The following TMX2 variants were observed in gnomAD, a reference collection of about 807,000 sequenced individuals.
TMX2 encodes the protein thioredoxin related transmembrane protein 2, also known as thioredoxin-related transmembrane protein 2.
Under a neutral mutation model 33.4 loss-of-function variants are expected in TMX2, and 20 were observed. That is an observed-to-expected ratio of 0.60 (90% confidence interval 0.42 to 0.87). The LOEUF (loss-of-function observed/expected upper bound fraction) is 0.87. Ranked by LOEUF, TMX2 falls within the 40% of genes least tolerant of loss-of-function variation. The pLI, the probability that TMX2 is intolerant of heterozygous loss-of-function variation, is 0.00. For missense variants in TMX2, 340 were observed against 370.7 expected, an observed-to-expected ratio of 0.92 and a Z score of 0.68; for synonymous variants, 166 against 140.7, an observed-to-expected ratio of 1.18 and a Z score of -1.27.
rs779824803 is a variant in TMX2 at position 57,723,528 on chromosome 11, C to CT, written c.189+10722dup. ...AAAAAAAAAAAAAGAAAGAAAGAAA[C>CT]TAAGTGGCTCACGCCTGTAATCCCA... On this transcript the variant is annotated intron_variant, in intron 1 of 7. Transcript: ENST00000278422. Among the ~76,000 whole-genome samples the CT allele has an allele frequency of 1.4e-3, 205 of 141,580 alleles. No individual in the cohort carries two copies. The Middle Eastern group carries it at 0.033, about 23-fold the overall frequency. 92.9% of individuals were successfully genotyped at this position (141,580 alleles called of 152,430 possible).
chr11:57,740,274 C>T lies in TMX2; in HGVS notation c.*29C>T. On this transcript the variant is annotated 3_prime_UTR_variant, in exon 8 of 8. Coordinates refer to ENST00000278422, the MANE Select transcript of TMX2 (RefSeq NM_015959.4). ...CCTCACTTTGGCAGTGCTTCCTCTC[C>T]TGTCAATTCCAGGCTCTTTCCATAA... 1 of 1,550,618 alleles carries T rather than the reference C, an allele frequency of 6.4e-7. No homozygotes were observed. Among genetic ancestry groups the T allele is most frequent in the Non-Finnish European group, 8.7e-7 (1 of 1,152,510 alleles).
chr11:57,716,051 A>C (rs1946979102), intron 1 of TMX2, among the ~76,000 whole-genome samples: 1 of 151,866 alleles, frequency 6.6e-6, no homozygotes, highest in African/African-American at 2.4e-5. Flanking sequence ...TTTCTATTCC[A>C]CAAAACCGCC....
At chr11:57,717,755 G>GAGAGGGAGAGGC (rs1947272915) in intron 1 of TMX2, among the ~76,000 whole-genome samples, 2 of 145,580 alleles carry the variant, frequency 1.4e-5, no homozygotes, top group East Asian at 4.2e-4. Flanking sequence ...AGGGGAGAGG[G>GAGAGGGAGAGGC]AGAGGCAGAG....
Position 57,740,355 on chromosome 11 carries a change from G to C in TMX2, c.*110G>C. On this transcript the variant is annotated 3_prime_UTR_variant, in exon 8 of 8. Transcript: ENST00000278422. ...ATGTTTTCCCTTTGGCTGTGACTGG[G>C]TGGGGCAGCATGCAGCTTCTGATTT... 7.6e-7 allele frequency: 1 copy of C among 1,307,940 alleles called. No homozygotes were observed. Among genetic ancestry groups the C allele is most frequent in the Non-Finnish European group, 1.0e-6 (1 of 985,700 alleles). The allele number at this position is 1,307,940 out of a possible 1,614,324, so 81.0% of individuals were successfully genotyped here.
chr11:57,739,005 G>A lies in TMX2; in HGVS notation c.580G>A (p.Val194Met). 1 of 1,614,058 alleles carries A rather than the reference G, an allele frequency of 6.2e-7. No individual in the cohort carries two copies. Among genetic ancestry groups the A allele is most frequent in the Non-Finnish European group, 8.5e-7 (1 of 1,180,030 alleles). ...YNCTGLNFGK[V>M]DVGRYTDVST... The stretch of plus-strand genomic sequence containing the variant: ...CTGTACAGGGCTAAATTTTGGGAAG[G>A]TGGATGTTGGACGCTATACTGATGT... Residue 194 changes from valine to methionine, a missense_variant, in exon 6 of 8, where the codon GTG becomes ATG. By Grantham distance (21) the Val-to-Met change is conservative. Transcript: ENST00000278422.
At chr11:57,739,922 G>A (rs960848014) in intron 7 of TMX2, among the ~76,000 whole-genome samples, 177 bp from the exon 8 acceptor site, 3 of 152,066 alleles carry the variant, frequency 2.0e-5, no homozygotes, top group African/African-American at 4.8e-5. Flanking sequence ...GCACATAATG[G>A]GTATTTAACT....
At chr11:57,718,149 A>G (rs1947304458) in intron 1 of TMX2, 3 of 1,217,948 alleles carry the variant, frequency 2.5e-6, no homozygotes, top group Non-Finnish European at 3.6e-6. Flanking sequence ...CACCTTGCCA[A>G]AGACCACATG....
rs190079483 is a variant in TMX2, at chr11:57,740,477, C to T, written c.*232C>T. On this transcript the variant is annotated 3_prime_UTR_variant, in exon 8 of 8. Transcript: ENST00000278422. ...GGAGCAAGAAAGAGATCTCATAGGA[C>T]GGAGGGGGAAATGGTTTCCCTCCAA... 2.4e-4 allele frequency: 113 copies of T among 464,610 alleles called. No homozygotes were observed. The highest frequency in any genetic ancestry group is 8.7e-4 in the Admixed American group (22 of 25,202). The allele number at this position is 464,610 out of a possible 1,614,324, so 28.8% of individuals were successfully genotyped here. A position where few individuals can be genotyped will look rare whatever the true frequency, so the allele number is the denominator to read the frequency against.
chr11:57,715,166 G>A (rs1156624396), intron 1 of TMX2, among the ~76,000 whole-genome samples: 6 of 152,130 alleles, frequency 3.9e-5, no homozygotes, highest in African/African-American at 1.4e-4. Context: ...TTGGGAGGCT[G>A]AGGCGGGTGG....
intron 1 of TMX2, among the ~76,000 whole-genome samples, chr11:57,731,976 CAA>C (rs1948437706): frequency 6.6e-6 from 1 of 152,118 alleles, no homozygotes; most frequent in Admixed American, 6.5e-5. Flanking sequence ...AAGAATCAGA[CAA>C]TGTGAATATT....
intron 1 of TMX2, among the ~76,000 whole-genome samples, chr11:57,718,695 G>T (rs1590913879): frequency 8.7e-6 from 1 of 115,506 alleles, no homozygotes; most frequent in African/African-American, 3.4e-5. Flanking sequence ...TCACTCTGTT[G>T]CCCAGGCTGG....
At chr11:57,729,229 G>A (rs1296204466) in intron 1 of TMX2, among the ~76,000 whole-genome samples, 2 of 151,964 alleles carry the variant, frequency 1.3e-5, no homozygotes, top group Non-Finnish European at 2.9e-5. Flanking sequence ...TGCCAGAATT[G>A]ATATAAAATG....
In TMX2 at chr11:57,737,661, C is replaced by CA; in HGVS notation, c.244dup (p.Arg82LysfsTer16). The CA allele has an allele frequency of 1.2e-6, 2 of 1,613,992 alleles. No individual in the cohort carries two copies. Among genetic ancestry groups the CA allele is most frequent in the Non-Finnish European group, 8.5e-7 (1 of 1,179,824 alleles). On this transcript the variant is annotated frameshift_variant, in exon 2 of 8. Transcript: ENST00000278422. LOFTEE classifies it high-confidence loss of function. ...GTGCCATTGTGATGATGAAGAACCG[C>CA]AGATCCAGTAAGTTTAGTTCACTTC...
chr11:57,719,608 C>A (rs1255280125), intron 1 of TMX2, among the ~76,000 whole-genome samples: 12 of 137,694 alleles, frequency 8.7e-5, no homozygotes, highest in African/African-American at 3.2e-4. Flanking sequence ...GCAACCTTGA[C>A]CTCCCGGGCT....
chr11:57,715,356 G>C (rs1367422774), intron 1 of TMX2, among the ~76,000 whole-genome samples: 1 of 151,992 alleles, frequency 6.6e-6, no homozygotes, highest in East Asian at 1.9e-4. Flanking sequence ...AGCCAGGATC[G>C]TGCCATTGCA....
chr11:57,726,371 C>T (rs990796120), intron 1 of TMX2, among the ~76,000 whole-genome samples: 8 of 151,976 alleles, frequency 5.3e-5, no homozygotes, highest in African/African-American at 9.7e-5. Context: ...CGAGATCACG[C>T]CACTGCACTC....
chr11:57,734,991 G>A (rs1204947993), intron 1 of TMX2, among the ~76,000 whole-genome samples: 2 of 151,218 alleles, frequency 1.3e-5, no homozygotes, highest in Non-Finnish European at 2.9e-5. Context: ...AAAGCCGGGC[G>A]TGGTGGTGGG....
chr11:57,740,464 A>T lies in TMX2; in HGVS notation c.*219A>T, dbSNP rs1341739296. The T allele has an allele frequency of 3.9e-6, 2 of 512,846 alleles. No homozygotes were observed. The highest frequency in any genetic ancestry group is 4.0e-5 in the African/African-American group (2 of 50,116). 31.8% of individuals were successfully genotyped at this position (512,846 alleles called of 1,614,324 possible). A position where few individuals can be genotyped will look rare whatever the true frequency, so the allele number is the denominator to read the frequency against. ...CAACTGTTTCACTGGAGCAAGAAAG[A>T]GATCTCATAGGACGGAGGGGGAAAT... is the stretch of plus-strand genomic sequence containing the variant. On this transcript the variant is annotated 3_prime_UTR_variant, in exon 8 of 8. Coordinates refer to ENST00000278422, the MANE Select transcript of TMX2 (RefSeq NM_015959.4).
In TMX2 at chr11:57,739,230, A is replaced by G. The variant is rs1356551795; in HGVS notation, c.714A>G (p.Lys238=). Residue 238 remains lysine, a synonymous_variant, in exon 7 of 8, where the codon AAA becomes AAG. Transcript: ENST00000278422. ...EAMRRPQIDK[K]GRAVSWTFSE... ...TGCGGCGGCCACAGATTGACAAGAA[A>G]GGACGGGCTGTCTCATGGACCTTCT... 1.9e-6 allele frequency: 3 copies of G among 1,614,158 alleles called. No individual in the cohort carries two copies. The highest frequency in any genetic ancestry group is 1.6e-4 in the Middle Eastern group (1 of 6,062).
Sources: gnomAD v4.1 joint callset for allele counts (sites outside exome capture counted in the v4.1 genomes callset) on GRCh38, gnomAD v4.1.1 for gene constraint, MANE v1.5 for transcripts, NCBI Gene and HGNC (gene_info 2026-07-23, HGNC 2026-07-21) for gene names.